PRKN: variants seen among roughly 807,000 people sequenced by gnomAD.
The protein encoded by PRKN is parkin RBR E3 ubiquitin protein ligase, also known as E3 ubiquitin-protein ligase parkin.
Under a neutral mutation model 59.5 loss-of-function variants are expected in PRKN, and 56 were observed. The observed-to-expected ratio is 0.94, with a 90% CI of 0.76 to 1.18. PRKN has a LOEUF of 1.18. Ranked by LOEUF, PRKN falls within the 50% of genes most tolerant of loss-of-function variation. PRKN has a pLI of 0.00. For synonymous variants in PRKN, 250 were observed against 222.1 expected (o/e 1.13, Z -1.12); for missense variants, 657 against 596.4 (o/e 1.10, Z -1.06).
At chr6:162,169,796 C>T (rs1783178140) in intron 4 of PRKN, among the ~76,000 whole-genome samples, 1 of 152,158 alleles carries the variant, frequency 6.6e-6, no homozygotes, top group Non-Finnish European at 1.5e-5. Flanking sequence ...TTAATGAATC[C>T]TTTTGATCTT....
In PRKN at chr6:162,309,444, C is replaced by A. The variant is rs545652482; in HGVS notation, c.172-46679G>T. On this transcript the variant is annotated intron_variant, in intron 2 of 11. Coordinates refer to ENST00000366898, the MANE Select transcript of PRKN (RefSeq NM_004562.3). ...CCTCCCAAACTGCTGGGATTACAGGCGTGAGCCAGAAAATCACAACTCTAT... is the reference window on the plus strand; with the variant it reads ...CCTCCCAAACTGCTGGGATTACAGGAGTGAGCCAGAAAATCACAACTCTAT... Among the ~76,000 whole-genome samples, 9 of 152,278 alleles carry A rather than the reference C, an allele frequency of 5.9e-5. No individual in the cohort carries two copies. In the South Asian group the frequency reaches 1.5e-3, roughly 25 times the overall value.
intron 2 of PRKN, among the ~76,000 whole-genome samples, chr6:162,428,042 G>C (rs6902370): frequency 0.4 from 60,491 of 151,810 alleles, 12,210 homozygotes; most frequent in East Asian, 0.58. Context: ...TTCCCATATT[G>C]TTTTCCATCC....
chr6:162,568,750 C>T, intron 1 of PRKN: 1 of 749,766 alleles, frequency 1.3e-6, no homozygotes, highest in Non-Finnish European at 2.4e-6. Flanking sequence ...ATCAACAACC[C>T]TAGGGGGCAG....
chr6:162,218,392 T>C (rs1583215820), intron 3 of PRKN, among the ~76,000 whole-genome samples: 1 of 151,966 alleles, frequency 6.6e-6, no homozygotes, highest in Admixed American at 6.6e-5. Context: ...CAGCACTGTG[T>C]AGTACATGCT....
intron 2 of PRKN, among the ~76,000 whole-genome samples, chr6:162,427,644 G>GTTTTTTTTTTTT (rs1219394770): frequency 2.1e-5 from 3 of 144,208 alleles, no homozygotes; most frequent in African/African-American, 5.1e-5. Context: ...GTAAATAAAT[G>GTTTTTTTTTTTT]TTTTTTTTTC....
In PRKN at chr6:161,576,667, A is replaced by T. The variant is rs1781141339; in HGVS notation, c.872-7251T>A. ...GGGCGAGAGACAATAAAAATAAACT[A>T]ATAAGTAGGTAAATGAAGTAACATT... On this transcript the variant is annotated intron_variant, in intron 7 of 11. Coordinates refer to ENST00000366898, the MANE Select transcript of PRKN (RefSeq NM_004562.3). The surrounding 1 kb of genome is among the most constrained non-coding windows in gnomAD (Gnocchi z 4.6). Among the ~76,000 whole-genome samples the T allele has an allele frequency of 6.6e-6, 1 of 152,208 alleles. No individual in the cohort carries two copies. The highest frequency in any genetic ancestry group is 1.5e-5 in the Non-Finnish European group (1 of 68,028).
chr6:161,658,877 A>G (rs572773566), intron 7 of PRKN, among the ~76,000 whole-genome samples: 42 of 152,320 alleles, frequency 2.8e-4, no homozygotes, highest in African/African-American at 9.1e-4. Flanking sequence ...TAAAAGTTCT[A>G]TGTGTGACAA....
chr6:162,662,461 T>C (rs898264623), intron 1 of PRKN, among the ~76,000 whole-genome samples: 6 of 152,146 alleles, frequency 3.9e-5, no homozygotes, highest in African/African-American at 1.4e-4. Flanking sequence ...TTATGTTGCA[T>C]TTCATTTTGA....
At chr6:161,968,070 G>C (rs1375261043) in intron 6 of PRKN, among the ~76,000 whole-genome samples, 2 of 152,150 alleles carry the variant, frequency 1.3e-5, no homozygotes, top group East Asian at 3.9e-4. Flanking sequence ...ACCCAGGCTG[G>C]AGTGCAGTGG....
intron 7 of PRKN, among the ~76,000 whole-genome samples, chr6:161,767,309 C>T (rs552575456): frequency 5.9e-5 from 9 of 152,096 alleles, no homozygotes; most frequent in South Asian, 2.1e-4. Flanking sequence ...GTCAGGAGAT[C>T]GAGACCATCC....
At chr6:162,229,918 G>T (rs929730498) in intron 3 of PRKN, among the ~76,000 whole-genome samples, 1 of 152,088 alleles carries the variant, frequency 6.6e-6, no homozygotes, top group Non-Finnish European at 1.5e-5. Flanking sequence ...CCACTATAAG[G>T]TCAGCTCCAT....
At chr6:162,397,846 G>GAT (rs1787552061) in intron 2 of PRKN, among the ~76,000 whole-genome samples, 1 of 151,976 alleles carries the variant, frequency 6.6e-6, no homozygotes, top group Admixed American at 6.6e-5. Context: ...AGAACAGCCT[G>GAT]GCCAATGTAG....
intron 2 of PRKN, among the ~76,000 whole-genome samples, chr6:162,353,357 TAA>T (rs528106583): frequency 7.0e-6 from 1 of 143,242 alleles, no homozygotes; most frequent in East Asian, 2.0e-4. Context: ...CTGGAACTGC[TAA>T]AAAAAAAAAA....
chr6:161,679,148 G>C (rs1197179637), intron 7 of PRKN, among the ~76,000 whole-genome samples: 6 of 152,210 alleles, frequency 3.9e-5, no homozygotes, highest in African/African-American at 1.4e-4. Context: ...CTTCTAGCTT[G>C]AATAGAGGAC....
chr6:162,166,030 AGAGC>A (rs1471056497), intron 4 of PRKN, among the ~76,000 whole-genome samples: 2 of 139,502 alleles, frequency 1.4e-5, no homozygotes, highest in Non-Finnish European at 3.0e-5. Context: ...CCTGGGCAAC[AGAGC>A]GAGACTCTAT....
At chr6:161,620,654 A>ACTT (rs1782862922) in intron 7 of PRKN, among the ~76,000 whole-genome samples, 1 of 152,166 alleles carries the variant, frequency 6.6e-6, no homozygotes, top group Non-Finnish European at 1.5e-5. Flanking sequence ...TTACCTCTCA[A>ACTT]CTTTAAGACT....
At chr6:162,725,625 T>C (rs576179787) in intron 1 of PRKN, among the ~76,000 whole-genome samples, 1 of 152,138 alleles carries the variant, frequency 6.6e-6, no homozygotes, top group Admixed American at 6.5e-5. Flanking sequence ...TTGGCAGGCA[T>C]GGTGGCACAC....
chr6:162,312,868 G>A (rs1003338127), intron 2 of PRKN, among the ~76,000 whole-genome samples: 2 of 152,038 alleles, frequency 1.3e-5, no homozygotes, highest in African/African-American at 4.8e-5. Context: ...CAGGTTAAGA[G>A]TATCTAGTGA....
intron 1 of PRKN, among the ~76,000 whole-genome samples, chr6:162,568,066 G>T (rs2128207884): frequency 6.6e-6 from 1 of 152,246 alleles, no homozygotes. Context: ...TCAATAGGCA[G>T]AAGAATGAAA....
Sources: gnomAD v4.1 joint callset for allele counts (sites outside exome capture counted in the v4.1 genomes callset) on GRCh38, gnomAD v4.1.1 for gene constraint, Gnocchi (gnomAD v3.1) non-coding constraint, MANE v1.5 for transcripts, NCBI Gene and HGNC (gene_info 2026-07-23, HGNC 2026-07-21) for gene names.